THADA: variants seen among roughly 807,000 people sequenced by gnomAD.
The protein encoded by THADA is THADA armadillo repeat containing.
Under a neutral mutation model 219.8 loss-of-function variants are expected in THADA, and 213 were observed. The observed-to-expected ratio is 0.97, with a 90% CI of 0.87 to 1.09. The LOEUF is 1.09. Ranked by LOEUF, THADA falls within the 50% of genes least tolerant of loss-of-function variation. The pLI, the probability that THADA is intolerant of heterozygous loss-of-function variation, is 0.00. For missense variants in THADA, 2,956 were observed against 2,311.3 expected (o/e 1.28, Z -5.72); for synonymous variants, 1,018 against 828.9 (o/e 1.23, Z -3.92).
chr2:43,489,172 T>C (rs1217738431), intron 25 of THADA, among the ~76,000 whole-genome samples: 1 of 151,976 alleles, frequency 6.6e-6, no homozygotes, highest in Non-Finnish European at 1.5e-5. Flanking sequence ...TAAGCTTTAT[T>C]TAAAAAAAAT....
At chr2:43,408,471 T>C (rs763294740) in intron 28 of THADA, 8 of 152,212 alleles carry the variant, frequency 5.3e-5, no homozygotes, top group South Asian at 2.1e-4. Context: ...TGTCAGCACA[T>C]TGGCAGAATT....
intron 22 of THADA, among the ~76,000 whole-genome samples, chr2:43,516,932 T>A (rs918983590): frequency 6.6e-6 from 1 of 152,216 alleles, no homozygotes; most frequent in Non-Finnish European, 1.5e-5. Flanking sequence ...AATGTTTTCA[T>A]GTGGCTTTGG....
chr2:43,515,425 T>C (rs1436152748), intron 22 of THADA, among the ~76,000 whole-genome samples: 1 of 108,900 alleles, frequency 9.2e-6, no homozygotes, highest in Admixed American at 1.3e-4. Flanking sequence ...CACACACACA[T>C]ATAAAACAGA....
chr2:43,495,172 T>A (rs1304196638), intron 25 of THADA, among the ~76,000 whole-genome samples: 2 of 152,194 alleles, frequency 1.3e-5, no homozygotes, highest in Non-Finnish European at 2.9e-5. Flanking sequence ...GAATACTTCT[T>A]CACATCCATT....
At chr2:43,410,686 T>TA (rs2104758355) in intron 28 of THADA, among the ~76,000 whole-genome samples, 1 of 151,208 alleles carries the variant, frequency 6.6e-6, no homozygotes, top group South Asian at 2.1e-4. Flanking sequence ...AAATGCAAAT[T>TA]AATCTGTATT....
chr2:43,573,184 A>G (rs1699489575), intron 11 of THADA, among the ~76,000 whole-genome samples, 192 bp from the exon 12 acceptor site: 1 of 152,228 alleles, frequency 6.6e-6, no homozygotes, highest in Admixed American at 6.5e-5. Context: ...CCTTTTGTCA[A>G]TCATTTCAAG....
At chr2:43,440,777 A>G (rs1222918509) in intron 26 of THADA, among the ~76,000 whole-genome samples, 1 of 152,228 alleles carries the variant, frequency 6.6e-6, no homozygotes, top group Non-Finnish European at 1.5e-5. Context: ...TGCACACCGT[A>G]TGATTCTATC....
intron 20 of THADA, among the ~76,000 whole-genome samples, chr2:43,544,512 G>A (rs1187385874): frequency 6.6e-6 from 1 of 152,168 alleles, no homozygotes. Context: ...CATGAGCATG[G>A]AATGTTCTTC....
intron 26 of THADA, among the ~76,000 whole-genome samples, chr2:43,456,254 C>T (rs948737134): frequency 6.6e-5 from 10 of 152,182 alleles, no homozygotes; most frequent in African/African-American, 2.4e-4. Flanking sequence ...TAATATTCCA[C>T]ATAAACTAAG....
chr2:43,455,539 CACAA>C (rs1682886074), intron 26 of THADA, among the ~76,000 whole-genome samples: 1 of 151,966 alleles, frequency 6.6e-6, no homozygotes, highest in South Asian at 2.1e-4. Context: ...CACACACACA[CACAA>C]ACACACACAA....
At chr2:43,247,102 T>TA (rs769855540) in intron 36 of THADA, among the ~76,000 whole-genome samples, 2 of 152,110 alleles carry the variant, frequency 1.3e-5, no homozygotes, top group Non-Finnish European at 2.9e-5. Context: ...ACTCCAGGGG[T>TA]CCACTGCCCA....
At chr2:43,363,174 C>G (rs1297502941) in intron 29 of THADA, among the ~76,000 whole-genome samples, 1 of 152,176 alleles carries the variant, frequency 6.6e-6, no homozygotes, top group African/African-American at 2.4e-5. Flanking sequence ...AATACATAAA[C>G]CAGGAACATA....
intron 22 of THADA, among the ~76,000 whole-genome samples, chr2:43,520,943 GGGAGGGAGGGAAGAAGGAAGGGAGGA>G (rs1220644876): frequency 7.1e-4 from 95 of 134,570 alleles, no homozygotes; most frequent in African/African-American, 2.5e-3. Context: ...GAAGGAGGGA[GGGAGGGAGGGAAGAAGGAAGGGAGGA>G]AGGGAGGGAG....
chr2:43,317,188 G>C (rs1171155753), intron 31 of THADA, among the ~76,000 whole-genome samples: 1 of 152,080 alleles, frequency 6.6e-6, no homozygotes, highest in Non-Finnish European at 1.5e-5. Flanking sequence ...TCCTACTCTG[G>C]ACTTTGTGAG....
chr2:43,329,607 C>T (rs1475098597), intron 30 of THADA, among the ~76,000 whole-genome samples: 1 of 152,146 alleles, frequency 6.6e-6, no homozygotes, highest in African/African-American at 2.4e-5. Flanking sequence ...TAGAAATTAT[C>T]ATTCCCATTT....
intron 36 of THADA, among the ~76,000 whole-genome samples, chr2:43,235,592 T>A (rs904325890): frequency 6.6e-6 from 1 of 151,930 alleles, no homozygotes; most frequent in Admixed American, 6.6e-5. Flanking sequence ...GTACCTGGCC[T>A]CCCACCACTT....
At chr2:43,487,025 C>T (rs1385014238) in intron 25 of THADA, among the ~76,000 whole-genome samples, 2 of 152,138 alleles carry the variant, frequency 1.3e-5, no homozygotes, top group Non-Finnish European at 2.9e-5. Flanking sequence ...CAATAAAACC[C>T]TAAAACTGAA....
chr2:43,252,958 T>C (rs11887748), intron 36 of THADA, among the ~76,000 whole-genome samples: 3,061 of 152,316 alleles, frequency 0.02, 49 homozygotes, highest in Non-Finnish European at 0.033. Context: ...GTTCCAATCT[T>C]TTCCCTGTCT....
At chr2:43,372,800 A>G (rs1295861827) in intron 29 of THADA, among the ~76,000 whole-genome samples, 2 of 152,150 alleles carry the variant, frequency 1.3e-5, no homozygotes, top group African/African-American at 2.4e-5. Flanking sequence ...CTTAGGCTAC[A>G]GTGCAGTGGC....
Sources: gnomAD v4.1 joint callset for allele counts (sites outside exome capture counted in the v4.1 genomes callset) on GRCh38, gnomAD v4.1.1 for gene constraint, MANE v1.5 for transcripts, NCBI Gene and HGNC (gene_info 2026-07-23, HGNC 2026-07-21) for gene names.